TNIK: variants seen among roughly 807,000 people sequenced by gnomAD.
TNIK encodes the protein TRAF2 and NCK interacting kinase.
TNIK carries 49 observed loss-of-function variants against 191.3 expected under a neutral mutation model. That is an observed-to-expected ratio of 0.26 (90% CI 0.20 to 0.32). The LOEUF (loss-of-function observed/expected upper bound fraction) is 0.32, where lower values mean the gene tolerates loss of function less well. Among genes scored for constraint, TNIK ranks in the 10% least tolerant of loss-of-function variants. TNIK has a pLI of 1.00. For synonymous variants in TNIK, 594 were observed against 600.9 expected, an observed-to-expected ratio of 0.99 and a Z score of 0.17; for missense variants, 1,155 against 1,702.3, an observed-to-expected ratio of 0.68 and a Z score of 5.66.
intron 2 of TNIK, among the ~76,000 whole-genome samples, chr3:171,245,881 C>T (rs2109059226): frequency 6.6e-6 from 1 of 152,044 alleles, no homozygotes; most frequent in East Asian, 1.9e-4. Context: ...AAATCAACAT[C>T]AAATCCTATT....
chr3:171,266,840 G>A (rs928014360), intron 2 of TNIK, among the ~76,000 whole-genome samples: 2 of 152,098 alleles, frequency 1.3e-5, no homozygotes, highest in African/African-American at 2.4e-5. Flanking sequence ...AAGTTAAACC[G>A]GCTTCCTTCT....
At chr3:171,370,161 T>C (rs553634686) in intron 1 of TNIK, among the ~76,000 whole-genome samples, 7 of 152,314 alleles carry the variant, frequency 4.6e-5, no homozygotes, top group African/African-American at 1.7e-4. Context: ...TTACCTATGG[T>C]AGTCAACAGT....
At chr3:171,175,229 G>A (rs774531060) in intron 9 of TNIK, 23 bp downstream of exon 9, 16 of 1,606,932 alleles carry the variant, frequency 1.0e-5, no homozygotes, top group Admixed American at 8.4e-5. Flanking sequence ...TTAGATCTGC[G>A]AAACATCGAA....
chr3:171,230,312 T>C (rs1310272673), intron 2 of TNIK, among the ~76,000 whole-genome samples: 1 of 152,214 alleles, frequency 6.6e-6, no homozygotes, highest in East Asian at 1.9e-4. Flanking sequence ...GACTTTAAAG[T>C]AATGGCTATA....
In TNIK at chr3:171,247,770, T is replaced by TTC. The variant is rs528487813; in HGVS notation, c.124-19550_124-19549insGA. Among the ~76,000 whole-genome samples the TTC allele has an allele frequency of 3.9e-5, 6 of 152,312 alleles. No individual in the cohort carries two copies. The South Asian group carries it at 1.2e-3, about 32-fold the overall frequency. ...AGGAGGGTATGGTCAGAGCCAGTGC[T>TTC]ACAGAAGACCAAGTGAAATAAAGAC... On this transcript the variant is annotated intron_variant, in intron 2 of 32. Coordinates refer to ENST00000436636, the MANE Select transcript of TNIK (RefSeq NM_015028.4).
chr3:171,118,523 A>G (rs1466325767), intron 18 of TNIK, among the ~76,000 whole-genome samples: 1 of 152,200 alleles, frequency 6.6e-6, no homozygotes, highest in Non-Finnish European at 1.5e-5. Context: ...GCATCATGCT[A>G]CCTGACTTCA....
rs959575315 is a variant in TNIK, at chr3:171,288,635, C to T, written c.124-60414G>A. On this transcript the variant is annotated intron_variant, in intron 2 of 32. Coordinates refer to ENST00000436636, the MANE Select transcript of TNIK (RefSeq NM_015028.4). ...CATCCTGGCTAACATGGTAAAACCC[C>T]GTCTCTACTAAAAATACAAAAAATT... is the stretch of plus-strand genomic sequence containing the variant. 5.3e-4 allele frequency among the ~76,000 whole-genome samples: 80 copies of T among 151,790 alleles called. 1 individual carries two copies. The highest frequency in any genetic ancestry group is 1.6e-3 in the African/African-American group (68 of 41,310).
At chr3:171,090,865 C>T (rs980747533) in intron 23 of TNIK, among the ~76,000 whole-genome samples, 12 of 152,144 alleles carry the variant, frequency 7.9e-5, no homozygotes, top group African/African-American at 2.9e-4. Flanking sequence ...GTGGTATGTT[C>T]TTATAGAACC....
At chr3:171,177,854 G>A (rs1736145133) in intron 7 of TNIK, among the ~76,000 whole-genome samples, 2 of 152,134 alleles carry the variant, frequency 1.3e-5, no homozygotes, top group African/African-American at 4.8e-5. Flanking sequence ...TTTCCTGCCT[G>A]AACCCATCCC....
In TNIK at chr3:171,349,799, G is replaced by A. The variant is rs553923751; in HGVS notation, c.123+19821C>T. Among the ~76,000 whole-genome samples the A allele has an allele frequency of 2.2e-4, 33 of 152,188 alleles. No homozygotes were observed. In the South Asian group the frequency reaches 4.4e-3, roughly 20 times the overall value. On this transcript the variant is annotated intron_variant, in intron 2 of 32. Transcript: ENST00000436636. ...CATTCTTGCGTATTCTAGTTACACC[G>A]AGCATACATTCATTGTGGAATAAGC...
rs566220946 is a variant in TNIK, at chr3:171,071,935, C to G, written c.3449-612G>C. Among the ~76,000 whole-genome samples, 7 of 152,248 alleles carry G rather than the reference C, an allele frequency of 4.6e-5. No homozygotes were observed. In the South Asian group the frequency reaches 1.4e-3, roughly 32 times the overall value. On this transcript the variant is annotated intron_variant, in intron 28 of 32. Transcript: ENST00000436636. The stretch of plus-strand genomic sequence containing the variant: ...TATTAAGCATTGTAAATTCTATGGA[C>G]AGAAGCTTAGTTAAATGATTGAGTC...
intron 1 of TNIK, among the ~76,000 whole-genome samples, chr3:171,416,412 C>T (rs929810429): frequency 6.6e-6 from 1 of 151,644 alleles, no homozygotes; most frequent in Non-Finnish European, 1.5e-5. Flanking sequence ...ATGTTAGTAT[C>T]GGGAAGAACA....
intron 2 of TNIK, among the ~76,000 whole-genome samples, chr3:171,232,765 C>T (rs1316464528): frequency 6.6e-6 from 1 of 152,204 alleles, no homozygotes; most frequent in African/African-American, 2.4e-5. Context: ...TCTTCTCCCT[C>T]ACTTTTGAGG....
chr3:171,213,020 G>A (rs190154832), intron 3 of TNIK, among the ~76,000 whole-genome samples: 37 of 152,174 alleles, frequency 2.4e-4, no homozygotes, highest in African/African-American at 8.2e-4. Flanking sequence ...GCATGTGGCC[G>A]AAACAGTGGG....
Position 171,069,067 on chromosome 3 carries a change from G to A in TNIK, c.3550-70C>T, listed in dbSNP as rs1417504863. The A allele has an allele frequency of 2.7e-6, 4 of 1,502,258 alleles. No individual in the cohort carries two copies. In the Admixed American group the frequency reaches 9.2e-5, roughly 35 times the overall value. 93.1% of individuals were successfully genotyped at this position (1,502,258 alleles called of 1,614,324 possible). On this transcript the variant is annotated intron_variant, in intron 29 of 32. Transcript: ENST00000436636. The stretch of plus-strand genomic sequence containing the variant: ...TCTTAATTTTTTTCCTTTAGCCACT[G>A]TCTAGAGGAAGTTAACTTCTAACTT...
chr3:171,101,336 T>C, intron 22 of TNIK, 113 bp downstream of exon 22: 1 of 1,242,170 alleles, frequency 8.1e-7, no homozygotes, highest in Non-Finnish European at 1.1e-6. Context: ...CGAAAGTCAA[T>C]TTATCTTGCC....
At chr3:171,359,377 A>G (rs940702969) in intron 2 of TNIK, among the ~76,000 whole-genome samples, 1 of 152,230 alleles carries the variant, frequency 6.6e-6, no homozygotes, top group Non-Finnish European at 1.5e-5. Flanking sequence ...TGCTGTCCAC[A>G]AAGATGATAT....
At chr3:171,204,217 G>C (rs190952379) in intron 4 of TNIK, among the ~76,000 whole-genome samples, 9 of 152,028 alleles carry the variant, frequency 5.9e-5, no homozygotes, top group Non-Finnish European at 1.2e-4. Context: ...TTTGATTTCC[G>C]GATCAGACCC....
intron 3 of TNIK, among the ~76,000 whole-genome samples, chr3:171,224,068 ATAT>A (rs1321508749): frequency 2.0e-5 from 3 of 152,122 alleles, no homozygotes. Context: ...TGGACCACTG[ATAT>A]TCAGACTGGC....
Sources: gnomAD v4.1 joint callset for allele counts (sites outside exome capture counted in the v4.1 genomes callset) on GRCh38, gnomAD v4.1.1 for gene constraint, MANE v1.5 for transcripts, NCBI Gene and HGNC (gene_info 2026-07-23, HGNC 2026-07-21) for gene names.